EPB41L5: variants seen among roughly 807,000 people sequenced by gnomAD.
EPB41L5 encodes erythrocyte membrane protein band 4.1 like 5.
EPB41L5 carries 55 observed loss-of-function variants against 106.6 expected under a neutral mutation model. The ratio of observed to expected loss-of-function variants is 0.52; its 90% confidence interval spans 0.42 to 0.65. The LOEUF (loss-of-function observed/expected upper bound fraction) is 0.65. EPB41L5 is among the 30% of genes least tolerant of loss of function. The pLI is 0.00. For synonymous variants in EPB41L5, 297 were observed against 306.7 expected (o/e 0.97, Z 0.33); for missense variants, 871 against 882.1 (o/e 0.99, Z 0.16).
intron 3 of EPB41L5, among the ~76,000 whole-genome samples, chr2:120,060,416 A>AT (rs1193753236): frequency 6.6e-6 from 1 of 152,202 alleles, no homozygotes; most frequent in Non-Finnish European, 1.5e-5. Flanking sequence ...ATACCATGTA[A>AT]TACTACTCAG....
chr2:120,096,050 T>G (rs1475311199), intron 14 of EPB41L5, among the ~76,000 whole-genome samples: 1 of 152,208 alleles, frequency 6.6e-6, no homozygotes, highest in East Asian at 1.9e-4. Context: ...TGGTATGTAT[T>G]AGAGTCTCCT....
intron 10 of EPB41L5, among the ~76,000 whole-genome samples, chr2:120,084,358 C>G (rs930852982): frequency 5.3e-5 from 8 of 152,172 alleles, no homozygotes; most frequent in South Asian, 2.1e-4. Flanking sequence ...TGTCTGTAAA[C>G]TATTTTATTT....
chr2:120,014,139 T>C (rs1677345793), intron 1 of EPB41L5, among the ~76,000 whole-genome samples: 1 of 152,282 alleles, frequency 6.6e-6, no homozygotes, highest in South Asian at 2.1e-4. Flanking sequence ...ATTTGCTGTA[T>C]GTTATATTGC....
intron 3 of EPB41L5, among the ~76,000 whole-genome samples, chr2:120,066,971 T>C (rs1340232900): frequency 6.6e-6 from 1 of 152,204 alleles, no homozygotes; most frequent in Non-Finnish European, 1.5e-5. Context: ...GAAAATTGAA[T>C]TGTTTTTTGC....
chr2:120,144,866 C>T (rs1686331740), intron 19 of EPB41L5, among the ~76,000 whole-genome samples: 2 of 152,120 alleles, frequency 1.3e-5, no homozygotes, highest in Admixed American at 1.3e-4. Flanking sequence ...ATTCAAAACC[C>T]AAGATAGTTC....
intron 2 of EPB41L5, 81 bp downstream of exon 2, chr2:120,019,345 C>T: frequency 2.3e-6 from 3 of 1,319,732 alleles, no homozygotes; most frequent in South Asian, 1.3e-5. Flanking sequence ...GTATTGGTAA[C>T]TTCTGGATGG....
At chr2:120,057,160 G>C (rs1574552963) in intron 3 of EPB41L5, among the ~76,000 whole-genome samples, 1 of 152,118 alleles carries the variant, frequency 6.6e-6, no homozygotes, top group African/African-American at 2.4e-5. Context: ...AAAGTGCTGG[G>C]ATTACAAGTG....
rs75166683 is a variant in EPB41L5 at position 120,130,946 on chromosome 2, C to A, written c.1502-672C>A. Among the ~76,000 whole-genome samples, 3 of 152,270 alleles carry A rather than the reference C, an allele frequency of 2.0e-5. No individual in the cohort carries two copies. The East Asian group carries it at 5.8e-4, about 29-fold the overall frequency. On this transcript the variant is annotated intron_variant, in intron 17 of 24. Transcript: ENST00000263713. Reference sequence around the variant, plus strand: ...TTGACAGTGTAAAATTTTATGCACACATCAAATTAATCTCTGCAAAATAAG... The same window carrying A: ...TTGACAGTGTAAAATTTTATGCACAAATCAAATTAATCTCTGCAAAATAAG...
intron 20 of EPB41L5, among the ~76,000 whole-genome samples, chr2:120,151,509 A>G (rs973259758): frequency 1.3e-5 from 2 of 152,052 alleles, no homozygotes; most frequent in Non-Finnish European, 2.9e-5. Context: ...GAGGCAAAAG[A>G]CTTGTACACT....
chr2:120,100,941 CTTA>C (rs1684106353), intron 16 of EPB41L5, 127 bp downstream of exon 16: 1 of 643,472 alleles, frequency 1.6e-6, no homozygotes, highest in African/African-American at 1.8e-5. Context: ...AGCTGGAAAG[CTTA>C]TTATTAAATA....
chr2:120,103,148 C>G (rs1419098544), intron 16 of EPB41L5, among the ~76,000 whole-genome samples: 1 of 152,148 alleles, frequency 6.6e-6, no homozygotes, highest in African/African-American at 2.4e-5. Flanking sequence ...AAAGATAACA[C>G]TTATTAAAAA....
chr2:120,088,135 T>A (rs945985046), intron 11 of EPB41L5, among the ~76,000 whole-genome samples: 2 of 152,248 alleles, frequency 1.3e-5, no homozygotes, highest in African/African-American at 4.8e-5. Flanking sequence ...TCTGTATGTT[T>A]AAACATTTTT....
intron 10 of EPB41L5, 62 bp downstream of exon 10, chr2:120,078,643 G>A (rs937736375): frequency 5.5e-6 from 6 of 1,089,160 alleles, no homozygotes; most frequent in African/African-American, 4.8e-5. Context: ...AGTAAATAAA[G>A]TTAATACATA....
intron 7 of EPB41L5, among the ~76,000 whole-genome samples, chr2:120,076,234 T>C (rs1163911138): frequency 6.6e-6 from 1 of 152,166 alleles, no homozygotes; most frequent in East Asian, 1.9e-4. Flanking sequence ...GGATTAATAA[T>C]TTTAAAATTT....
At chr2:120,056,514 G>A (rs1680664220) in intron 3 of EPB41L5, among the ~76,000 whole-genome samples, 1 of 152,006 alleles carries the variant, frequency 6.6e-6, no homozygotes, top group East Asian at 1.9e-4. Flanking sequence ...GTCCAGGCTG[G>A]TCTTGAACTC....
rs371887159 is a variant in EPB41L5, at chr2:120,127,723, A to T, written c.1373A>T (p.Asp458Val). 7.9e-5 allele frequency: 127 copies of T among 1,613,404 alleles called. No homozygotes were observed. Among genetic ancestry groups the T allele is most frequent in the Non-Finnish European group, 1.0e-4 (121 of 1,179,588 alleles). ...PLNIDLLNSP[D>V]LLEATIGDVI... ...AATATTGATTTGCTGAATAGCCCAG[A>T]CTTATTGGAAGCAACGATTGGTGAT... The change falls in exon 17 of 25, where the codon GAC becomes GTC. Residue 458 changes from aspartate to valine, a missense_variant. Physicochemically the swap from Asp to Val is radical, Grantham distance 152. Coordinates refer to ENST00000263713, the MANE Select transcript of EPB41L5 (RefSeq NM_020909.4).
At chr2:120,038,511 C>T (rs1008298799) in intron 2 of EPB41L5, among the ~76,000 whole-genome samples, 4 of 152,186 alleles carry the variant, frequency 2.6e-5, no homozygotes, top group Non-Finnish European at 5.9e-5. Context: ...CAGTGGCTCA[C>T]TCCTGTAATC....
chr2:120,100,887 A>C, intron 16 of EPB41L5, 73 bp downstream of exon 16: 1 of 1,012,962 alleles, frequency 9.9e-7, no homozygotes. Flanking sequence ...TCATAATCTT[A>C]AAGTACTTTA....
intron 3 of EPB41L5, among the ~76,000 whole-genome samples, chr2:120,068,171 C>T (rs888743927): frequency 6.6e-6 from 1 of 152,212 alleles, no homozygotes; most frequent in Admixed American, 6.5e-5. Context: ...CCGGGAAGCA[C>T]AAGGGGTCGG....
Sources: gnomAD v4.1 joint callset for allele counts (sites outside exome capture counted in the v4.1 genomes callset) on GRCh38, gnomAD v4.1.1 for gene constraint, MANE v1.5 for transcripts, NCBI Gene and HGNC (gene_info 2026-07-23, HGNC 2026-07-21) for gene names.